Variants in EAF2 observed in about 807,000 individuals in gnomAD.
EAF2 encodes the protein ELL associated factor 2.
A neutral mutation model predicts 29.4 loss-of-function variants in EAF2; 29 were observed. The observed-to-expected ratio is 0.99, with a 90% CI of 0.73 to 1.35. EAF2 has a LOEUF of 1.35. Ranked by LOEUF, EAF2 falls within the 40% of genes most tolerant of loss-of-function variation. The probability of loss-of-function intolerance (pLI) is 0.00; values close to 1 mark genes in which losing one functional copy is unlikely to be tolerated. For missense variants in EAF2, 292 were observed against 312.0 expected (o/e 0.94, Z 0.48); for synonymous variants, 103 against 102.5 (o/e 1.00, Z -0.03).
chr3:121,847,521 G>T (rs1708549708), intron 2 of EAF2, among the ~76,000 whole-genome samples: 1 of 152,144 alleles, frequency 6.6e-6, no homozygotes, highest in African/African-American at 2.4e-5. Context: ...AGGTCAAAAG[G>T]CGTGCATATG....
chr3:121,857,212 G>C, intron 4 of EAF2, 56 bp downstream of exon 4: 1 of 1,486,450 alleles, frequency 6.7e-7, no homozygotes, highest in Non-Finnish European at 9.1e-7. Context: ...GAAATGTTAA[G>C]GCCAGGCATG....
At chr3:121,853,534 G>A (rs1708668601) in intron 2 of EAF2, among the ~76,000 whole-genome samples, 1 of 152,076 alleles carries the variant, frequency 6.6e-6, no homozygotes, top group African/African-American at 2.4e-5. Context: ...GCTTCAAGCT[G>A]TCCTCCTGCT....
At chr3:121,845,440 C>CAAAAAAAAAAAAAAAAAAAAA (rs747436052) in intron 2 of EAF2, among the ~76,000 whole-genome samples, 1 of 59,950 alleles carries the variant, frequency 1.7e-5, no homozygotes, top group Non-Finnish European at 3.1e-5. Context: ...TCCTACATCT[C>CAAAAAAAAAAAAAAAAAAAAA]AAAAAAAAAA....
Position 121,871,325 on chromosome 3 carries a change from CGAATAGACA to C in EAF2, c.485-1211_485-1203del, listed in dbSNP as rs1225090324. On this transcript the variant is annotated intron_variant, in intron 4 of 5. Coordinates refer to ENST00000273668, the MANE Select transcript of EAF2 (RefSeq NM_018456.6). ...TATTTGTATGAAGTTCAAGAATAGA[CGAATAGACA>C]AAAATCTTTGGTAATAAAAGTCAAA... is the stretch of plus-strand genomic sequence containing the variant. Among the ~76,000 whole-genome samples, 129 of 111,644 alleles carry C rather than the reference CGAATAGACA, an allele frequency of 1.2e-3. 1 individual carries two copies. Among genetic ancestry groups the C allele is most frequent in the African/African-American group, 5.3e-3 (123 of 23,372 alleles). 73.2% of individuals were successfully genotyped at this position (111,644 alleles called of 152,430 possible).
chr3:121,862,985 T>TC (rs1708860190), intron 4 of EAF2, among the ~76,000 whole-genome samples: 1 of 152,182 alleles, frequency 6.6e-6, no homozygotes, highest in Admixed American at 6.5e-5. Flanking sequence ...TTCCTGGGTA[T>TC]CACCAGCGGA....
intron 2 of EAF2, 122 bp downstream of exon 2, chr3:121,844,669 C>A (rs1481799723): frequency 1.1e-5 from 6 of 543,902 alleles, no homozygotes; most frequent in Non-Finnish European, 1.2e-5. Flanking sequence ...CACAGATAAG[C>A]AAAAACCATA....
At chr3:121,842,659 T>C (rs1404433420) in intron 1 of EAF2, among the ~76,000 whole-genome samples, 2 of 152,230 alleles carry the variant, frequency 1.3e-5, no homozygotes, top group South Asian at 4.1e-4. Flanking sequence ...TTTTTGTTCA[T>C]ATCTGTGTTC....
chr3:121,869,797 G>C (rs549240952), intron 4 of EAF2, among the ~76,000 whole-genome samples: 1 of 152,094 alleles, frequency 6.6e-6, no homozygotes, highest in South Asian at 2.1e-4. Context: ...GCTGAGGTGA[G>C]TGGATTGCTT....
chr3:121,874,969 T>C (rs1258515674), intron 5 of EAF2, among the ~76,000 whole-genome samples: 3 of 151,508 alleles, frequency 2.0e-5, no homozygotes, highest in Non-Finnish European at 4.4e-5. Context: ...TGAGAACTTT[T>C]AGGGAAACTT....
intron 4 of EAF2, among the ~76,000 whole-genome samples, chr3:121,869,494 C>T (rs568944512): frequency 2.6e-5 from 4 of 152,172 alleles, no homozygotes; most frequent in Admixed American, 6.5e-5. Flanking sequence ...GCACAAATTA[C>T]GAATATCAGG....
At chr3:121,881,730 C>T (rs998411532) in intron 5 of EAF2, among the ~76,000 whole-genome samples, 6 of 151,974 alleles carry the variant, frequency 3.9e-5, no homozygotes, top group South Asian at 2.1e-4. Context: ...AGGCTGGTCT[C>T]GAACTCCTGA....
At chr3:121,877,810 T>C (rs1709126832) in intron 5 of EAF2, among the ~76,000 whole-genome samples, 1 of 152,080 alleles carries the variant, frequency 6.6e-6, no homozygotes, top group Non-Finnish European at 1.5e-5. Flanking sequence ...TCGCTTTGTT[T>C]CTCAGGCTGG....
intron 4 of EAF2, among the ~76,000 whole-genome samples, chr3:121,864,039 G>C (rs1464279307): frequency 6.6e-6 from 1 of 152,126 alleles, no homozygotes; most frequent in East Asian, 1.9e-4. Context: ...ATAGTAAGCA[G>C]AATAAGCAGG....
At chr3:121,878,647 TATG>T (rs1709143270) in intron 5 of EAF2, among the ~76,000 whole-genome samples, 1 of 152,136 alleles carries the variant, frequency 6.6e-6, no homozygotes, top group Non-Finnish European at 1.5e-5. Context: ...AGTGAAACCA[TATG>T]ATATTTTTCT....
At chr3:121,851,832 G>A (rs974231568) in intron 2 of EAF2, among the ~76,000 whole-genome samples, 4 of 152,180 alleles carry the variant, frequency 2.6e-5, no homozygotes, top group East Asian at 3.8e-4. Flanking sequence ...ACATGGAGCC[G>A]ATAGGTGGTA....
intron 5 of EAF2, among the ~76,000 whole-genome samples, chr3:121,879,304 A>G (rs1709152831): frequency 6.6e-6 from 1 of 151,992 alleles, no homozygotes; most frequent in African/African-American, 2.4e-5. Flanking sequence ...TGGATGGATA[A>G]TTTGCAAATA....
At chr3:121,884,875 G>A (rs900682513) in intron 5 of EAF2, among the ~76,000 whole-genome samples, 1 of 152,172 alleles carries the variant, frequency 6.6e-6, no homozygotes, top group Non-Finnish European at 1.5e-5. Flanking sequence ...TTGCGGATTA[G>A]TTAAAAAATA....
chr3:121,873,066 A>G (rs1298051634), intron 5 of EAF2: 2 of 689,520 alleles, frequency 2.9e-6, no homozygotes, highest in Non-Finnish European at 2.6e-6. Flanking sequence ...CTCAAGGCTT[A>G]CTTTTGGGTT....
At chr3:121,850,160 C>A (rs1463943518) in intron 2 of EAF2, among the ~76,000 whole-genome samples, 1 of 151,562 alleles carries the variant, frequency 6.6e-6, no homozygotes, top group East Asian at 1.9e-4. Flanking sequence ...CAGTTTGGCA[C>A]TTTCTATTTT....
Sources: allele counts gnomAD v4.1 joint callset (sites outside exome capture counted in the v4.1 genomes callset), GRCh38; gene constraint gnomAD v4.1.1; transcripts MANE v1.5; gene names NCBI Gene and HGNC (gene_info 2026-07-23, HGNC 2026-07-21).